Variants in ADCY2 observed in about 807,000 individuals in gnomAD.
ADCY2 encodes the protein adenylate cyclase 2.
ADCY2 carries 31 observed loss-of-function variants against 125.2 expected under a neutral mutation model. That is an observed-to-expected ratio of 0.25 (90% CI 0.19 to 0.33). The LOEUF (loss-of-function observed/expected upper bound fraction) is 0.33, where lower values mean the gene tolerates loss of function less well. Among genes scored for constraint, ADCY2 ranks in the 10% least tolerant of loss-of-function variants. The probability of loss-of-function intolerance (pLI) is 1.00; values close to 1 mark genes in which losing one functional copy is unlikely to be tolerated. For synonymous variants in ADCY2, 512 were observed against 548.4 expected (o/e 0.93, Z 0.93); for missense variants, 904 against 1,418.2 (o/e 0.64, Z 5.82).
Position 7,743,593 on chromosome 5 carries a change from A to G in ADCY2, c.1872-75A>G, listed in dbSNP as rs1742507760. Reference sequence around the variant, plus strand: ...ATTTAATAAAGTCCTCGTTAACCCAAAAGTATTACTGGTAGCTTTCCAGAA... The same window carrying G: ...ATTTAATAAAGTCCTCGTTAACCCAGAAGTATTACTGGTAGCTTTCCAGAA... On this transcript the variant is annotated intron_variant, in intron 14 of 24. Transcript: ENST00000338316. 3.1e-5 allele frequency: 43 copies of G among 1,393,626 alleles called. 1 individual carries two copies. In the South Asian group the frequency reaches 4.8e-4, roughly 16 times the overall value. 86.3% of individuals were successfully genotyped at this position (1,393,626 alleles called of 1,614,324 possible).
intron 4 of ADCY2, among the ~76,000 whole-genome samples, chr5:7,681,834 T>C (rs2126715282): frequency 6.6e-6 from 1 of 152,352 alleles, no homozygotes; most frequent in African/African-American, 2.4e-5. Flanking sequence ...AAATCAGTCA[T>C]GCCCTAAGAC....
chr5:7,798,658 C>A (rs1287085427), intron 20 of ADCY2: 3 of 147,486 alleles, frequency 2.0e-5, no homozygotes, highest in African/African-American at 7.5e-5. Context: ...CGGCTCACTG[C>A]AAGCTCTACC....
rs1738981159 is a variant in ADCY2, at chr5:7,648,666, A to G, written c.720+22350A>G. 2.0e-5 allele frequency among the ~76,000 whole-genome samples: 3 copies of G among 152,222 alleles called. No homozygotes were observed. In the South Asian group the frequency reaches 6.2e-4, roughly 32 times the overall value. ...AAATATATAAATATGTATACAATAT[A>G]CCAGTCTCAGGTCATAACATCCAGA... On this transcript the variant is annotated intron_variant, in intron 4 of 24. Transcript: ENST00000338316.
chr5:7,760,698 T>C (rs977430594), intron 16 of ADCY2, among the ~76,000 whole-genome samples: 4 of 152,238 alleles, frequency 2.6e-5, no homozygotes, highest in African/African-American at 9.6e-5. Context: ...TGTGAAATGA[T>C]TACTGCAGGC....
In ADCY2 at chr5:7,789,678, A is replaced by G; in HGVS notation, c.2506A>G (p.Asn836Asp). The change falls in exon 20 of 25, where the codon AAC (asparagine) becomes GAC (aspartate). Residue 836 changes from asparagine (N) to aspartate (D), a missense_variant. Asn to Asp is a conservative substitution (Grantham distance 23, BLOSUM62 1). Around this residue, in one of 7 missense-constraint regions of ADCY2, gnomAD observed 181 missense variants for 381.6 expected, o/e 0.47. Coordinates refer to ENST00000338316, the MANE Select transcript of ADCY2 (RefSeq NM_020546.3). ...YYCRLDFLWK[N>D]KFKKEREEIE... is the part of the protein sequence containing the mutation. ...CTGTAGGTTAGACTTCTTATGGAAGAACAAATTCAAAAAAGAGCGGGAGGA... is the reference window on the plus strand; with the variant it reads ...CTGTAGGTTAGACTTCTTATGGAAGGACAAATTCAAAAAAGAGCGGGAGGA... 3.1e-6 allele frequency: 5 copies of G among 1,614,140 alleles called. No homozygotes were observed. The highest frequency in any genetic ancestry group is 4.2e-6 in the Non-Finnish European group (5 of 1,180,026).
chr5:7,710,193 T>A (rs759387223), intron 10 of ADCY2, among the ~76,000 whole-genome samples: 15 of 152,168 alleles, frequency 9.9e-5, no homozygotes, highest in Non-Finnish European at 2.1e-4. Context: ...GGTCTCAAAG[T>A]GACACTCCCA....
intron 7 of ADCY2, among the ~76,000 whole-genome samples, chr5:7,701,332 C>T (rs1436204795): frequency 6.6e-6 from 1 of 152,122 alleles, no homozygotes; most frequent in Admixed American, 6.5e-5. Flanking sequence ...GTTTCCAGTT[C>T]CATAATGTTT....
At chr5:7,410,165 C>T (rs1362119146) in intron 1 of ADCY2, among the ~76,000 whole-genome samples, 1 of 152,136 alleles carries the variant, frequency 6.6e-6, no homozygotes, top group African/African-American at 2.4e-5. Flanking sequence ...CATTCGACTT[C>T]TCCCACTGAA....
chr5:7,824,277 G>A lies in ADCY2; in HGVS notation c.3124-2442G>A, dbSNP rs185025524. Among the ~76,000 whole-genome samples the A allele has an allele frequency of 3.2e-4, 49 of 152,180 alleles. 1 individual carries two copies. Among genetic ancestry groups the A allele is most frequent in the South Asian group, 6.2e-4 (3 of 4,820 alleles). ...TAGCAAGCCCACTCAGCAACCCTGC[G>A]GCTTCTCCTAGGCCTGGAGGCATAG... is the stretch of plus-strand genomic sequence containing the variant. On this transcript the variant is annotated intron_variant, in intron 24 of 24. Transcript: ENST00000338316.
chr5:7,547,581 A>G (rs1735187612), intron 3 of ADCY2, among the ~76,000 whole-genome samples: 1 of 152,186 alleles, frequency 6.6e-6, no homozygotes, highest in African/African-American at 2.4e-5. Context: ...AGCCTTCAGA[A>G]TTAAAGAGCT....
chr5:7,637,778 T>A lies in ADCY2; in HGVS notation c.720+11462T>A, dbSNP rs553542338. Among the ~76,000 whole-genome samples, 4 of 152,322 alleles carry A rather than the reference T, an allele frequency of 2.6e-5. No homozygotes were observed. The East Asian group carries it at 7.7e-4, about 29-fold the overall frequency. ...AATTAAATGTTAAAAATAAACCAACTGATCCTCTAGGCAAAAGAATCAGCA... is the reference window on the plus strand; with the variant it reads ...AATTAAATGTTAAAAATAAACCAACAGATCCTCTAGGCAAAAGAATCAGCA... On this transcript the variant is annotated intron_variant, in intron 4 of 24. Transcript: ENST00000338316.
intron 4 of ADCY2, among the ~76,000 whole-genome samples, chr5:7,675,570 A>G (rs1034617174): frequency 6.6e-6 from 1 of 152,222 alleles, no homozygotes; most frequent in Non-Finnish European, 1.5e-5. Context: ...CGAGGCTAAC[A>G]TATGAAGGTT....
At chr5:7,589,124 G>C (rs1378717517) in intron 3 of ADCY2, among the ~76,000 whole-genome samples, 2 of 152,068 alleles carry the variant, frequency 1.3e-5, no homozygotes, top group African/African-American at 4.8e-5. Context: ...GTCCTTAATA[G>C]CCACTTGATA....
chr5:7,542,287 G>A (rs1483539271), intron 3 of ADCY2, among the ~76,000 whole-genome samples: 1 of 152,052 alleles, frequency 6.6e-6, no homozygotes, highest in African/African-American at 2.4e-5. Context: ...TGGCAGACTG[G>A]GGATGAGTTT....
chr5:7,707,539 A>C (rs1741302412), intron 8 of ADCY2, among the ~76,000 whole-genome samples, 167 bp from the exon 9 acceptor site: 1 of 152,240 alleles, frequency 6.6e-6, no homozygotes, highest in Admixed American at 6.5e-5. Flanking sequence ...CACGACCTCT[A>C]AGAGCATCTT....
At chr5:7,790,438 G>C (rs1744217251) in intron 20 of ADCY2, among the ~76,000 whole-genome samples, 1 of 152,238 alleles carries the variant, frequency 6.6e-6, no homozygotes, top group Admixed American at 6.5e-5. Context: ...TACAATGTCA[G>C]TTAAATATTG....
At chr5:7,413,483 A>G (rs1214449390) in intron 1 of ADCY2, among the ~76,000 whole-genome samples, 2 of 151,392 alleles carry the variant, frequency 1.3e-5, no homozygotes, top group Non-Finnish European at 2.9e-5. Flanking sequence ...TATTTTTAGT[A>G]GAGACTGGGT....
Position 7,803,678 on chromosome 5 carries a change from C to T in ADCY2, c.2776-907C>T, listed in dbSNP as rs147829602. Among the ~76,000 whole-genome samples, 427 of 152,196 alleles carry T rather than the reference C, an allele frequency of 2.8e-3. 8 individuals carry two copies. In the South Asian group the frequency reaches 0.063, roughly 23 times the overall value. On this transcript the variant is annotated intron_variant, in intron 21 of 24. Transcript: ENST00000338316. The stretch of plus-strand genomic sequence containing the variant: ...CTTTAGGTGGCCAAGGTGGGAGGAT[C>T]GCTTGAGCCCAGGAGTTTGAGACCA...
intron 18 of ADCY2, among the ~76,000 whole-genome samples, chr5:7,775,129 C>T (rs1037303910): frequency 2.0e-5 from 3 of 151,880 alleles, no homozygotes; most frequent in Non-Finnish European, 4.4e-5. Flanking sequence ...GCTTCAGCCT[C>T]TCTAGTAGCT....
Sources: allele counts gnomAD v4.1 joint callset (sites outside exome capture counted in the v4.1 genomes callset), GRCh38; gene constraint gnomAD v4.1.1; regional missense constraint gnomAD v4.1.1; transcripts MANE v1.5; gene names NCBI Gene and HGNC (gene_info 2026-07-23, HGNC 2026-07-21).